The following EEFSEC variants were observed in gnomAD, a reference collection of about 807,000 sequenced individuals.
EEFSEC encodes selenocysteine-specific elongation factor.
In EEFSEC, 43 loss-of-function variants were observed where a neutral mutation model predicts 42.1. The observed-to-expected ratio is 1.02, with a 90% CI of 0.80 to 1.32. EEFSEC has a LOEUF of 1.32. EEFSEC is among the 40% of genes most tolerant of loss of function. EEFSEC has a pLI of 0.00. For missense variants in EEFSEC, 745 were observed against 803.6 expected, an observed-to-expected ratio of 0.93 and a Z score of 0.88; for synonymous variants, 354 against 339.1, an observed-to-expected ratio of 1.04 and a Z score of -0.48.
At chr3:128,325,521 T>C (rs774293937) in intron 4 of EEFSEC, among the ~76,000 whole-genome samples, 2 of 152,208 alleles carry the variant, frequency 1.3e-5, no homozygotes, top group Non-Finnish European at 2.9e-5. Flanking sequence ...TCCGGGAAGA[T>C]GTTTGCACGG....
intron 2 of EEFSEC, among the ~76,000 whole-genome samples, chr3:128,255,393 C>T (rs1308847615): frequency 6.6e-6 from 1 of 152,202 alleles, no homozygotes; most frequent in Non-Finnish European, 1.5e-5. Flanking sequence ...GGGAAGAGCA[C>T]TGAGTTGACC....
At chr3:128,338,831 T>C (rs968501869) in intron 4 of EEFSEC, among the ~76,000 whole-genome samples, 1 of 152,092 alleles carries the variant, frequency 6.6e-6, no homozygotes. Context: ...CCGCCACCCA[T>C]CACAGGGAGT....
At chr3:128,347,655 G>A (rs2067329071) in intron 5 of EEFSEC, among the ~76,000 whole-genome samples, 1 of 152,202 alleles carries the variant, frequency 6.6e-6, no homozygotes, top group Non-Finnish European at 1.5e-5. Context: ...TACACTAAAT[G>A]TGAATGGCCA....
intron 1 of EEFSEC, among the ~76,000 whole-genome samples, chr3:128,195,548 C>T (rs937206429): frequency 1.3e-5 from 2 of 152,164 alleles, no homozygotes; most frequent in Non-Finnish European, 2.9e-5. Flanking sequence ...TTTTATCTGG[C>T]GGAATGTGTG....
At chr3:128,291,417 C>G (rs2066642948) in intron 4 of EEFSEC, among the ~76,000 whole-genome samples, 1 of 152,160 alleles carries the variant, frequency 6.6e-6, no homozygotes. Context: ...CCCTTTCTTG[C>G]TCTTTCTCTC....
intron 1 of EEFSEC, among the ~76,000 whole-genome samples, chr3:128,156,652 C>T (rs994903848): frequency 2.0e-5 from 3 of 152,234 alleles, no homozygotes; most frequent in Non-Finnish European, 2.9e-5. Flanking sequence ...CACATGTCAT[C>T]TGTTAATGGT....
At chr3:128,190,158 C>G (rs1207998654) in intron 1 of EEFSEC, among the ~76,000 whole-genome samples, 2 of 152,226 alleles carry the variant, frequency 1.3e-5, no homozygotes, top group East Asian at 3.9e-4. Context: ...CCACCATGCC[C>G]AGCCGCTCCT....
At chr3:128,397,011 C>T (rs1576702105) in intron 6 of EEFSEC, among the ~76,000 whole-genome samples, 1 of 152,178 alleles carries the variant, frequency 6.6e-6, no homozygotes, top group Non-Finnish European at 1.5e-5. Context: ...GCCAATGGTC[C>T]CCCGACTGGT....
intron 6 of EEFSEC, among the ~76,000 whole-genome samples, chr3:128,370,830 C>G (rs2067645026): frequency 6.6e-6 from 1 of 152,224 alleles, no homozygotes; most frequent in African/African-American, 2.4e-5. Flanking sequence ...CATGGAGTGA[C>G]TGCTCCCTTC....
At chr3:128,224,520 A>G (rs1284958504) in intron 1 of EEFSEC, among the ~76,000 whole-genome samples, 2 of 152,198 alleles carry the variant, frequency 1.3e-5, no homozygotes, top group East Asian at 1.9e-4. Flanking sequence ...GGTTTCAAAC[A>G]TACTCAGGAC....
intron 4 of EEFSEC, among the ~76,000 whole-genome samples, chr3:128,339,773 T>TA (rs1189519878): frequency 3.3e-5 from 5 of 152,280 alleles, no homozygotes; most frequent in Non-Finnish European, 7.4e-5. Context: ...ATTTATTTTT[T>TA]AAAAAAAAGA....
intron 4 of EEFSEC, among the ~76,000 whole-genome samples, chr3:128,305,942 C>A (rs1013478206): frequency 2.2e-4 from 33 of 152,186 alleles, no homozygotes; most frequent in African/African-American, 7.7e-4. Context: ...CCTTTGAGCA[C>A]CGTTTTAGTT....
intron 1 of EEFSEC, among the ~76,000 whole-genome samples, chr3:128,156,802 C>T (rs563972595): frequency 6.6e-6 from 1 of 152,316 alleles, no homozygotes; most frequent in African/African-American, 2.4e-5. Context: ...GTCTGTCTCC[C>T]TCTCCTCAGG....
chr3:128,237,210 C>T (rs1180174018), intron 1 of EEFSEC, among the ~76,000 whole-genome samples: 2 of 152,098 alleles, frequency 1.3e-5, no homozygotes, highest in South Asian at 2.1e-4. Context: ...TGGACTTTAT[C>T]GTATTTTCCT....
In EEFSEC at chr3:128,408,102, C is replaced by T. The variant is rs561137880; in HGVS notation, c.1634C>T (p.Thr545Ile). The T allele has an allele frequency of 1.7e-5, 28 of 1,600,440 alleles. No homozygotes were observed. Among genetic ancestry groups the T allele is most frequent in the Non-Finnish European group, 2.2e-5 (26 of 1,173,340 alleles). The change falls in exon 7 of 7, where the codon ACA becomes ATA. Residue 545 changes from threonine (T) to isoleucine (I), a missense_variant. Coordinates refer to ENST00000254730, the MANE Select transcript of EEFSEC (RefSeq NM_021937.5). The stretch of plus-strand genomic sequence containing the variant: ...AGCCCCGAGTCCAAGAAGATCCTGA[C>T]ACCCGCCCTCAAGAAGCGGGCCCGG... ...GLSPESKKILTPALKKRARAG... is the reference protein window; with the variant it reads ...GLSPESKKILIPALKKRARAG...
At chr3:128,337,312 A>T (rs1413744990) in intron 4 of EEFSEC, among the ~76,000 whole-genome samples, 4 of 152,052 alleles carry the variant, frequency 2.6e-5, no homozygotes, top group Non-Finnish European at 4.4e-5. Flanking sequence ...TTGCACAGTT[A>T]TTTATCTTTG....
At position 128,317,474 on chromosome 3, in the gene EEFSEC, CTG is replaced by C. The variant is rs1324966969; in HGVS notation, c.787-23758_787-23757del. ...CTCAGGGATCAGCACAAGGGCCCCT[CTG>C]GGGCTGGCGTCCTCTTCCTGTCATT... On this transcript the variant is annotated intron_variant, in intron 4 of 6. Transcript: ENST00000254730. This position sits in a 1 kb window ranked among gnomAD's most constrained non-coding sequence, Gnocchi z 4.1. Among the ~76,000 whole-genome samples, 1 of 152,250 alleles carries C rather than the reference CTG, an allele frequency of 6.6e-6. No individual in the cohort carries two copies. The highest frequency in any genetic ancestry group is 6.5e-5 in the Admixed American group (1 of 15,290).
intron 6 of EEFSEC, among the ~76,000 whole-genome samples, chr3:128,405,610 G>A (rs1576710815): frequency 1.3e-5 from 2 of 152,228 alleles, no homozygotes; most frequent in African/African-American, 2.4e-5. Flanking sequence ...GCCAGCCAGC[G>A]CTCCCAGTCT....
chr3:128,191,624 C>T (rs1263382182), intron 1 of EEFSEC, among the ~76,000 whole-genome samples: 1 of 152,148 alleles, frequency 6.6e-6, no homozygotes, highest in Non-Finnish European at 1.5e-5. Context: ...CCTCCCCATT[C>T]TCCCTACTCC....
Sources: allele counts gnomAD v4.1 joint callset (sites outside exome capture counted in the v4.1 genomes callset), GRCh38; gene constraint gnomAD v4.1.1; non-coding constraint Gnocchi (gnomAD v3.1); transcripts MANE v1.5; gene names NCBI Gene and HGNC (gene_info 2026-07-23, HGNC 2026-07-21).